DMD: variants seen among roughly 807,000 people sequenced by gnomAD.
The protein encoded by DMD is dystrophin, also known as mutant dystrophin.
DMD carries 63 observed loss-of-function variants against 330.1 expected under a neutral mutation model. The ratio of observed to expected loss-of-function variants is 0.19; its 90% confidence interval spans 0.16 to 0.24. DMD has a LOEUF of 0.24. Ranked by LOEUF, DMD falls within the 10% of genes least tolerant of loss-of-function variation. The pLI is 1.00. For synonymous variants in DMD, 1,223 were observed against 959.8 expected, an observed-to-expected ratio of 1.27 and a Z score of -5.07; for missense variants, 3,344 against 2,684.1, an observed-to-expected ratio of 1.25 and a Z score of -5.43.
At chrX:32,379,824 AAC>A (rs980650229) in intron 34 of DMD, among the ~76,000 whole-genome samples, 4 of 111,193 alleles carry the variant, frequency 3.6e-5, no homozygotes, top group African/African-American at 1.3e-4. Flanking sequence ...TAAATGGCCT[AAC>A]ACAGTGGCAA....
chrX:33,116,681 G>A (rs1183830902), intron 1 of DMD, among the ~76,000 whole-genome samples: 2 of 111,661 alleles, frequency 1.8e-5, no homozygotes, highest in African/African-American at 6.5e-5. Context: ...AGAAAAAAGA[G>A]GTGTTTCAAG....
intron 60 of DMD, among the ~76,000 whole-genome samples, chrX:31,396,311 G>A (rs1460663043): frequency 9.1e-6 from 1 of 110,152 alleles, no homozygotes; most frequent in African/African-American, 3.3e-5. Context: ...CTAATTTTTT[G>A]TATTTTTAGT....
In DMD at chrX:32,093,065, C is replaced by T. The variant is rs189036176; in HGVS notation, c.6438+123851G>A. On this transcript the variant is annotated intron_variant, in intron 44 of 78. Transcript: ENST00000357033. ...CAATAGTCTTGCTCATTGGCGCTAACATTAAAGTATGAAATAAGTTAAATA... is the reference window on the plus strand; with the variant it reads ...CAATAGTCTTGCTCATTGGCGCTAATATTAAAGTATGAAATAAGTTAAATA... Among the ~76,000 whole-genome samples the T allele has an allele frequency of 7.2e-5, 8 of 111,309 alleles. No homozygotes were observed. In the East Asian group the frequency reaches 2.3e-3, roughly 31 times the overall value.
At chrX:31,367,353 A>C (rs1231108959) in intron 60 of DMD, among the ~76,000 whole-genome samples, 1 of 111,315 alleles carries the variant, frequency 9.0e-6, no homozygotes, top group African/African-American at 3.3e-5. Context: ...ACAGCAGTAC[A>C]ATTTCATTTT....
intron 1 of DMD, among the ~76,000 whole-genome samples, chrX:33,157,380 AGC>A (rs1369961145): frequency 3.6e-5 from 4 of 111,635 alleles, no homozygotes; most frequent in Non-Finnish European, 5.6e-5. Context: ...TAAGGACATC[AGC>A]CATGTTAGAT....
intron 1 of DMD, among the ~76,000 whole-genome samples, chrX:33,288,235 G>A (rs2053462390): frequency 1.8e-5 from 2 of 111,444 alleles, no homozygotes; most frequent in Admixed American, 1.9e-4. Flanking sequence ...CTATAACTAG[G>A]CAGATCTCAC....
chrX:33,284,086 C>G (rs1329198598), intron 1 of DMD, among the ~76,000 whole-genome samples: 1 of 110,798 alleles, frequency 9.0e-6, no homozygotes, highest in African/African-American at 3.3e-5. Flanking sequence ...CTTGAAATTA[C>G]AGATGAGTAC....
At chrX:31,644,821 T>C (rs961686166) in intron 54 of DMD, among the ~76,000 whole-genome samples, 2 of 111,516 alleles carry the variant, frequency 1.8e-5, no homozygotes, top group African/African-American at 3.3e-5. Context: ...CCAGGAATAG[T>C]TGCTAAGAGT....
At chrX:31,236,406 G>C (rs1394942951) in intron 63 of DMD, among the ~76,000 whole-genome samples, 2 of 112,487 alleles carry the variant, frequency 1.8e-5, no homozygotes, top group African/African-American at 6.5e-5. Flanking sequence ...AGGGAGCATC[G>C]TCCACCCCCG....
At chrX:32,020,712 C>T (rs985477801) in intron 44 of DMD, among the ~76,000 whole-genome samples, 1 of 112,347 alleles carries the variant, frequency 8.9e-6, no homozygotes, top group African/African-American at 3.2e-5. Flanking sequence ...ATTTCTGTTG[C>T]TTAAGCCACC....
chrX:32,248,993 A>T (rs937256385), intron 43 of DMD, among the ~76,000 whole-genome samples: 2 of 111,382 alleles, frequency 1.8e-5, no homozygotes, highest in African/African-American at 3.3e-5. Context: ...AAATAAGTTA[A>T]CAAAGGATGA....
At chrX:31,755,188 T>C (rs1424109445) in intron 51 of DMD, among the ~76,000 whole-genome samples, 2 of 111,620 alleles carry the variant, frequency 1.8e-5, no homozygotes, top group African/African-American at 6.5e-5. Context: ...AAAATGAATA[T>C]TAGAAATGAG....
chrX:33,119,140 A>T (rs1226685004), intron 1 of DMD, among the ~76,000 whole-genome samples: 2 of 112,596 alleles, frequency 1.8e-5, no homozygotes, highest in African/African-American at 6.5e-5. Flanking sequence ...ACTTTATTGA[A>T]CATCTTTACT....
At chrX:32,170,938 A>T (rs2096885416) in intron 44 of DMD, among the ~76,000 whole-genome samples, 1 of 111,380 alleles carries the variant, frequency 9.0e-6, no homozygotes, top group Non-Finnish European at 1.9e-5. Flanking sequence ...ACTCCTTTCA[A>T]GCGCATATTT....
chrX:31,255,105 G>T (rs1438570832), intron 63 of DMD, among the ~76,000 whole-genome samples: 1 of 109,879 alleles, frequency 9.1e-6, no homozygotes, highest in Non-Finnish European at 1.9e-5. Context: ...GTGTGTGGGG[G>T]CAGGGTGAGC....
chrX:32,552,318 C>T (rs1477523003), intron 16 of DMD, among the ~76,000 whole-genome samples: 3 of 111,652 alleles, frequency 2.7e-5, no homozygotes, highest in Admixed American at 1.9e-4. Context: ...TAAGGCTGCA[C>T]ACCTACAACC....
intron 56 of DMD, among the ~76,000 whole-genome samples, chrX:31,502,987 T>C (rs1174694977): frequency 8.9e-6 from 1 of 111,943 alleles, no homozygotes; most frequent in Non-Finnish European, 1.9e-5. Context: ...GCAGTTAATG[T>C]TTTCGTTTTG....
At chrX:33,016,548 C>G (rs977168837) in intron 2 of DMD, among the ~76,000 whole-genome samples, 12 of 111,373 alleles carry the variant, frequency 1.1e-4, no homozygotes, top group African/African-American at 3.9e-4. Flanking sequence ...TCCAGGAACA[C>G]TATCATATCA....
At chrX:31,202,690 C>T (rs2043610281) in intron 67 of DMD, among the ~76,000 whole-genome samples, 1 of 111,797 alleles carries the variant, frequency 8.9e-6, no homozygotes. Context: ...TTGTAAATCT[C>T]AGCCATTGTT....
Sources: gnomAD v4.1 joint callset for allele counts (sites outside exome capture counted in the v4.1 genomes callset) on GRCh38, gnomAD v4.1.1 for gene constraint, MANE v1.5 for transcripts, NCBI Gene and HGNC (gene_info 2026-07-23, HGNC 2026-07-21) for gene names.